KLHL1: variants seen among roughly 807,000 people sequenced by gnomAD.
KLHL1 encodes kelch like family member 1, also known as kelch-like protein 1.
In KLHL1, 47 loss-of-function variants were observed where a neutral mutation model predicts 77.7. The observed-to-expected ratio is 0.60, with a 90% CI of 0.48 to 0.77. The LOEUF (loss-of-function observed/expected upper bound fraction) is 0.77, where lower values mean the gene tolerates loss of function less well. KLHL1 is among the 30% of genes least tolerant of loss of function. KLHL1 has a pLI of 0.00. For synonymous variants in KLHL1, 360 were observed against 325.2 expected, an observed-to-expected ratio of 1.11 and a Z score of -1.15; for missense variants, 925 against 910.8, an observed-to-expected ratio of 1.02 and a Z score of -0.20.
At chr13:70,093,556 G>C (rs1335748482) in intron 1 of KLHL1, among the ~76,000 whole-genome samples, 1 of 151,950 alleles carries the variant, frequency 6.6e-6, no homozygotes, top group Non-Finnish European at 1.5e-5. Context: ...TTGATGTCTT[G>C]AAATATCTTC....
intron 4 of KLHL1, among the ~76,000 whole-genome samples, chr13:69,912,853 T>C (rs112487690): frequency 2.0e-5 from 3 of 152,280 alleles, no homozygotes; most frequent in African/African-American, 7.2e-5. Context: ...GGAGACTACC[T>C]GCTTGCCTTC....
intron 1 of KLHL1, among the ~76,000 whole-genome samples, chr13:69,987,322 T>G (rs544295066): frequency 6.6e-6 from 1 of 152,108 alleles, no homozygotes; most frequent in East Asian, 1.9e-4. Flanking sequence ...TCTAATACAA[T>G]AATGAAAGAA....
intron 1 of KLHL1, among the ~76,000 whole-genome samples, chr13:70,045,698 A>G (rs879683506): frequency 2.0e-5 from 3 of 152,188 alleles, no homozygotes; most frequent in Admixed American, 2.0e-4. Context: ...AGTTTTAAAG[A>G]AATATTTTTT....
At chr13:69,788,680 A>G (rs188396099) in intron 7 of KLHL1, among the ~76,000 whole-genome samples, 60 of 152,172 alleles carry the variant, frequency 3.9e-4, no homozygotes, top group Admixed American at 2.1e-3. Context: ...TAGAAAATAT[A>G]GTATTTATGT....
Position 70,026,714 on chromosome 13 carries a change from G to A in KLHL1, c.498-50912C>T, listed in dbSNP as rs201518335. 8.3e-3 allele frequency among the ~76,000 whole-genome samples: 671 copies of A among 81,320 alleles called. 7 individuals are homozygous for A. The highest frequency in any genetic ancestry group is 0.023 in the African/African-American group (630 of 27,682). The allele number at this position is 81,320 out of a possible 152,430, so 53.3% of individuals were successfully genotyped here. On this transcript the variant is annotated intron_variant, in intron 1 of 10. Transcript: ENST00000377844. ...ATTTAAGAACTTAGGGTGTGTGTGT[G>A]TGTGTGTGTGTGTGTGTGTGTGTGT...
At chr13:69,992,458 T>C (rs1011016835) in intron 1 of KLHL1, among the ~76,000 whole-genome samples, 2 of 152,002 alleles carry the variant, frequency 1.3e-5, no homozygotes, top group African/African-American at 2.4e-5. Context: ...ATTGTATAAA[T>C]AGAAGGAAGG....
chr13:69,925,104 A>G (rs1427696251), intron 4 of KLHL1, among the ~76,000 whole-genome samples: 2 of 152,192 alleles, frequency 1.3e-5, no homozygotes, highest in East Asian at 1.9e-4. Flanking sequence ...AGCAGGTTCA[A>G]TCAAAACTCA....
In KLHL1 at chr13:69,700,822, T is replaced by C. The variant is rs1875356386; in HGVS notation, c.*880A>G. The stretch of plus-strand genomic sequence containing the variant: ...CTCCAACTTAATGGATCATATGTTT[T>C]TCTTTTGAAATTCTAAGTTTGTTTA... On this transcript the variant is annotated 3_prime_UTR_variant, in exon 11 of 11. Coordinates refer to ENST00000377844, the MANE Select transcript of KLHL1 (RefSeq NM_020866.3). The C allele has an allele frequency of 6.6e-6, 1 of 152,378 alleles. No individual in the cohort carries two copies. The highest frequency in any genetic ancestry group is 1.5e-5 in the Non-Finnish European group (1 of 67,860). The allele number at this position is 152,378 out of a possible 1,614,324, so 9.4% of individuals were successfully genotyped here.
chr13:69,878,121 T>C (rs1440257271), intron 5 of KLHL1, among the ~76,000 whole-genome samples: 2 of 152,198 alleles, frequency 1.3e-5, no homozygotes, highest in Non-Finnish European at 2.9e-5. Flanking sequence ...TCTTTCATTG[T>C]TTTTGTTTTT....
At chr13:69,971,284 A>G (rs971828923) in intron 2 of KLHL1, among the ~76,000 whole-genome samples, 1 of 152,064 alleles carries the variant, frequency 6.6e-6, no homozygotes, top group Non-Finnish European at 1.5e-5. Flanking sequence ...TAATCAATGC[A>G]GTGAGTGTTA....
At chr13:69,890,006 T>A (rs1319650625) in intron 4 of KLHL1, among the ~76,000 whole-genome samples, 1 of 152,122 alleles carries the variant, frequency 6.6e-6, no homozygotes, top group Non-Finnish European at 1.5e-5. Flanking sequence ...TTTTATGGGA[T>A]TCTTTCTCTA....
chr13:69,999,022 G>A (rs1376524904), intron 1 of KLHL1, among the ~76,000 whole-genome samples: 7 of 151,922 alleles, frequency 4.6e-5, no homozygotes, highest in Non-Finnish European at 7.4e-5. Flanking sequence ...TTCAACATAG[G>A]CTTCCTGAAC....
At chr13:69,928,817 T>A (rs1593958352) in intron 4 of KLHL1, among the ~76,000 whole-genome samples, 2 of 152,146 alleles carry the variant, frequency 1.3e-5, no homozygotes, top group East Asian at 3.9e-4. Flanking sequence ...GATTGAAATG[T>A]TCTACAAGTG....
intron 6 of KLHL1, among the ~76,000 whole-genome samples, chr13:69,823,467 T>A (rs1878420696): frequency 6.6e-6 from 1 of 152,048 alleles, no homozygotes; most frequent in Non-Finnish European, 1.5e-5. Flanking sequence ...TCATTAAAAT[T>A]ATTTATTTTA....
At chr13:69,722,558 C>T (rs187218116) in intron 8 of KLHL1, among the ~76,000 whole-genome samples, 165 of 152,036 alleles carry the variant, frequency 1.1e-3, no homozygotes, top group African/African-American at 3.9e-3. Context: ...AAATTCTCAA[C>T]AGCACTAACC....
intron 4 of KLHL1, among the ~76,000 whole-genome samples, chr13:69,901,739 A>G (rs917440381): frequency 6.6e-6 from 1 of 151,592 alleles, no homozygotes; most frequent in Non-Finnish European, 1.5e-5. Context: ...TTTAGGAGAT[A>G]GTTAACATAT....
intron 3 of KLHL1, among the ~76,000 whole-genome samples, chr13:69,949,519 T>C (rs983826496): frequency 4.0e-5 from 6 of 151,834 alleles, no homozygotes; most frequent in Non-Finnish European, 7.4e-5. Context: ...AGGTAGTGTA[T>C]GTCAGGTTTC....
At chr13:69,736,892 G>A (rs1873787805) in intron 8 of KLHL1, among the ~76,000 whole-genome samples, 1 of 152,122 alleles carries the variant, frequency 6.6e-6, no homozygotes, top group South Asian at 2.1e-4. Flanking sequence ...GACAATAGGA[G>A]GGAGTAGCCA....
chr13:69,894,924 G>A, intron 4 of KLHL1: 2 of 439,016 alleles, frequency 4.6e-6, no homozygotes, highest in Admixed American at 5.0e-5. Flanking sequence ...GCAGAACCAA[G>A]CAGCTTGGTT....
Sources: allele counts gnomAD v4.1 joint callset (sites outside exome capture counted in the v4.1 genomes callset), GRCh38; gene constraint gnomAD v4.1.1; transcripts MANE v1.5; gene names NCBI Gene and HGNC (gene_info 2026-07-23, HGNC 2026-07-21).